Variants in DAAM2 observed in about 807,000 individuals in gnomAD.
DAAM2 encodes the protein disheveled-associated activator of morphogenesis 2.
A neutral mutation model predicts 120.7 loss-of-function variants in DAAM2; 39 were observed. The observed-to-expected ratio is 0.32, with a 90% CI of 0.25 to 0.42. The LOEUF (loss-of-function observed/expected upper bound fraction) is 0.42. DAAM2 is among the 10% of genes least tolerant of loss of function. The pLI, the probability that DAAM2 is intolerant of heterozygous loss-of-function variation, is 1.00. For synonymous variants in DAAM2, 488 were observed against 524.9 expected (o/e 0.93, Z 0.96); for missense variants, 1,283 against 1,401.7 (o/e 0.92, Z 1.35).
At chr6:39,894,560 G>A (rs1765954060) in intron 19 of DAAM2, among the ~76,000 whole-genome samples, 1 of 130,720 alleles carries the variant, frequency 7.6e-6, no homozygotes, top group South Asian at 2.3e-4. Flanking sequence ...CCTCTCTAAA[G>A]GTCAAACCCA....
intron 8 of DAAM2, among the ~76,000 whole-genome samples, chr6:39,870,998 G>T (rs1245678067): frequency 6.6e-6 from 1 of 152,204 alleles, no homozygotes; most frequent in Non-Finnish European, 1.5e-5. Context: ...GTGGATGTGT[G>T]CATGAGGATA....
intron 1 of DAAM2, among the ~76,000 whole-genome samples, chr6:39,805,464 A>G (rs1761981899): frequency 6.6e-6 from 1 of 152,166 alleles, no homozygotes; most frequent in Non-Finnish European, 1.5e-5. Context: ...TAGGTATTAT[A>G]CTACATGGTG....
At chr6:39,836,992 T>A (rs568963273) in intron 1 of DAAM2, among the ~76,000 whole-genome samples, 1 of 152,262 alleles carries the variant, frequency 6.6e-6, no homozygotes, top group Admixed American at 6.5e-5. Context: ...CTGGGGGAAC[T>A]TTTACAAAAT....
intron 19 of DAAM2, among the ~76,000 whole-genome samples, chr6:39,894,987 A>T (rs2149367074): frequency 6.6e-6 from 1 of 152,274 alleles, no homozygotes; most frequent in Non-Finnish European, 1.5e-5. Flanking sequence ...TTTGCTCAAC[A>T]TTATGGTTGT....
intron 1 of DAAM2, among the ~76,000 whole-genome samples, chr6:39,793,670 A>G (rs189209784): frequency 4.0e-4 from 61 of 152,212 alleles, no homozygotes; most frequent in African/African-American, 1.4e-3. Flanking sequence ...AAGCCAGCTG[A>G]AGCGGGGGAT....
chr6:39,856,568 A>C, intron 2 of DAAM2, 98 bp downstream of exon 2: 1 of 1,012,724 alleles, frequency 9.9e-7, no homozygotes, highest in Non-Finnish European at 1.3e-6. Flanking sequence ...TGGGGTCTCC[A>C]TCTCTCAAAA....
intron 4 of DAAM2, 107 bp from the exon 5 acceptor site, chr6:39,864,873 C>T (rs535422672): frequency 1.4e-6 from 2 of 1,388,276 alleles, no homozygotes; most frequent in African/African-American, 1.4e-5. Flanking sequence ...TAAACCATTC[C>T]CTGAGGCCTC....
At chr6:39,875,207 TG>T in intron 10 of DAAM2, 122 bp from the exon 11 acceptor site, 2 of 1,037,044 alleles carry the variant, frequency 1.9e-6, no homozygotes, top group Non-Finnish European at 2.8e-6. Context: ...TCTTCTAGAC[TG>T]GGAGCTTACC....
chr6:39,879,249 C>T lies in DAAM2; in HGVS notation c.1617C>T (p.Asp539=). The change falls in exon 14 of 25, where the codon GAC becomes GAT. Residue 539 remains aspartate, a synonymous_variant. Coordinates refer to ENST00000274867, the MANE Select transcript of DAAM2 (RefSeq NM_001201427.2). The part of the protein sequence containing the change: ...LTLSSSMTTN[D]LPPPPPPLPF... ...TGTCTTCCTCAATGACAACCAATGA[C>T]CTGCCTCCACCCCCTCCTCCTCTGC... The T allele has an allele frequency of 6.5e-7, 1 of 1,543,540 alleles. No homozygotes were observed. The highest frequency in any genetic ancestry group is 8.8e-7 in the Non-Finnish European group (1 of 1,141,178).
intron 1 of DAAM2, among the ~76,000 whole-genome samples, chr6:39,842,355 G>T (rs1293146368): frequency 6.6e-6 from 1 of 152,208 alleles, no homozygotes; most frequent in Non-Finnish European, 1.5e-5. Flanking sequence ...CACGTGGCCA[G>T]GTGAGATGGC....
intron 1 of DAAM2, among the ~76,000 whole-genome samples, chr6:39,812,126 T>C (rs963061774): frequency 6.6e-6 from 1 of 152,192 alleles, no homozygotes; most frequent in Non-Finnish European, 1.5e-5. Context: ...GCCTGGTTGC[T>C]GCGGACCCCG....
chr6:39,891,249 A>G, intron 17 of DAAM2, 92 bp from the exon 18 acceptor site: 1 of 997,694 alleles, frequency 1.0e-6, no homozygotes, highest in East Asian at 2.6e-5. Flanking sequence ...CACCCTCCCC[A>G]TCTTGACCCA....
At chr6:39,848,619 G>C (rs1233643998) in intron 1 of DAAM2, 1 of 152,100 alleles carries the variant, frequency 6.6e-6, no homozygotes, top group Non-Finnish European at 1.5e-5. Context: ...TGCACAGAGG[G>C]GACTCAGAGG....
intron 21 of DAAM2, 46 bp downstream of exon 21, chr6:39,897,328 T>C (rs1252689866): frequency 3.1e-6 from 4 of 1,272,066 alleles, no homozygotes; most frequent in Non-Finnish European, 4.6e-6. Context: ...ATGACCCTCA[T>C]TCTTGTCTTA....
rs1035177917 is a variant in DAAM2, at chr6:39,871,522, G to A, written c.994G>A (p.Glu332Lys). ...AILDKHLDFF[E>K]MVRNEDDLEL... ...TCTGTCTAGACATTTAGACTTCTTCGAGATGGTGCGGAATGAGGATGACCT... is the reference window on the plus strand; with the variant it reads ...TCTGTCTAGACATTTAGACTTCTTCAAGATGGTGCGGAATGAGGATGACCT... The change falls in exon 9 of 25, where the codon GAG (glutamate) becomes AAG (lysine). Residue 332 changes from glutamate to lysine, a missense_variant. Physicochemically the swap from Glu to Lys is moderately conservative, Grantham distance 56 (BLOSUM62 1). This residue lies in a region of DAAM2 where 338 missense variants were observed against 443.9 expected (regional missense o/e 0.76). Transcript: ENST00000274867. 1 of 1,551,560 alleles carries A rather than the reference G, an allele frequency of 6.4e-7. No individual in the cohort carries two copies. The highest frequency in any genetic ancestry group is 8.7e-7 in the Non-Finnish European group (1 of 1,147,066).
rs754770116 is a variant in DAAM2, at chr6:39,901,847, G to A, written c.3017G>A (p.Arg1006Gln). The change falls in exon 25 of 25, where the codon CGG becomes CAG. Residue 1006 changes from arginine (R) to glutamine (Q), a missense_variant. Physicochemically the swap from Arg to Gln is conservative, Grantham distance 43 (BLOSUM62 1). This residue lies in a region of DAAM2 where 748 missense variants were observed against 768.6 expected (regional missense o/e 0.97). Coordinates refer to ENST00000274867, the MANE Select transcript of DAAM2 (RefSeq NM_001201427.2). The surrounding 1 kb of genome is among the most constrained non-coding windows in gnomAD (Gnocchi z 4.5). The part of the protein sequence containing the change: ...KEQRERERWQ[R>Q]QRKVLAAGSS... ...CAGAGGGAACGTGAGCGGTGGCAGC[G>A]GCAGCGGAAGGTCCTGGCTGCAGGC... is the stretch of plus-strand genomic sequence containing the variant. The A allele has an allele frequency of 1.2e-5, 19 of 1,566,324 alleles. No individual in the cohort carries two copies. The highest frequency in any genetic ancestry group is 4.5e-5 in the East Asian group (2 of 44,050).
In DAAM2 at chr6:39,902,539, G is replaced by A. The variant is rs1284445744; in HGVS notation, c.*502G>A. On this transcript the variant is annotated 3_prime_UTR_variant, in exon 25 of 25. Coordinates refer to ENST00000274867, the MANE Select transcript of DAAM2 (RefSeq NM_001201427.2). ...TGACCTGGGGGCAAACTTTCCTCTTGAATGGGAACAGAGGAGGCATTATAT... is the reference window on the plus strand; with the variant it reads ...TGACCTGGGGGCAAACTTTCCTCTTAAATGGGAACAGAGGAGGCATTATAT... 1.3e-5 allele frequency: 2 copies of A among 152,948 alleles called. No individual in the cohort carries two copies. Among genetic ancestry groups the A allele is most frequent in the South Asian group, 2.1e-4 (1 of 4,830 alleles). 9.5% of individuals were successfully genotyped at this position (152,948 alleles called of 1,614,324 possible).
rs1192838523 is a variant in DAAM2, at chr6:39,902,213, G to A, written c.*176G>A. The A allele has an allele frequency of 4.1e-6, 2 of 489,682 alleles. No homozygotes were observed. The highest frequency in any genetic ancestry group is 7.1e-6 in the Non-Finnish European group (2 of 280,896). The allele number at this position is 489,682 out of a possible 1,614,324, so 30.3% of individuals were successfully genotyped here. A position where few individuals can be genotyped will look rare whatever the true frequency, so the allele number is the denominator to read the frequency against. ...GTGTCTCCCCACGCTTACCTTAAGGGGCTCCTCTTATCTCCCCTTCACATG... is the reference window on the plus strand; with the variant it reads ...GTGTCTCCCCACGCTTACCTTAAGGAGCTCCTCTTATCTCCCCTTCACATG... On this transcript the variant is annotated 3_prime_UTR_variant, in exon 25 of 25. Transcript: ENST00000274867.
rs923712529 is a variant in DAAM2 at position 39,878,587 on chromosome 6, C to T, written c.1544C>T (p.Ser515Leu). 4 of 1,601,250 alleles carry T rather than the reference C, an allele frequency of 2.5e-6. No homozygotes were observed. The highest frequency in any genetic ancestry group is 3.4e-6 in the Non-Finnish European group (4 of 1,174,464). Residue 515 changes from serine (S) to leucine (L), a missense_variant and splice_region_variant, in exon 13 of 25, where the codon TCA (serine) becomes TTA (leucine). Coordinates refer to ENST00000274867, the MANE Select transcript of DAAM2 (RefSeq NM_001201427.2). This position sits in a 1 kb window ranked among gnomAD's most constrained non-coding sequence, Gnocchi z 5.0. Reference protein sequence around the residue: ...AELVAQLSELSTGPVSSPPPP... With the variant: ...AELVAQLSELLTGPVSSPPPP... ...CTGGTAGCCCAGCTCAGTGAACTCT[C>T]AGTATGCAAGCATCTCCCCCTTTAC... is the stretch of plus-strand genomic sequence containing the variant.
Sources: gnomAD v4.1 joint callset for allele counts (sites outside exome capture counted in the v4.1 genomes callset) on GRCh38, gnomAD v4.1.1 for gene constraint, gnomAD v4.1.1 regional missense constraint, Gnocchi (gnomAD v3.1) non-coding constraint, MANE v1.5 for transcripts, NCBI Gene and HGNC (gene_info 2026-07-23, HGNC 2026-07-21) for gene names.